The following INPP4B variants were observed in gnomAD, a reference collection of about 807,000 sequenced individuals.
INPP4B encodes inositol polyphosphate 4-phosphatase type II.
INPP4B carries 55 observed loss-of-function variants against 122.5 expected under a neutral mutation model. That is an observed-to-expected ratio of 0.45 (90% CI 0.36 to 0.56). The LOEUF is 0.56. Ranked by LOEUF, INPP4B falls within the 20% of genes least tolerant of loss-of-function variation. The probability of loss-of-function intolerance (pLI) is 0.00; values close to 1 mark genes in which losing one functional copy is unlikely to be tolerated. For missense variants in INPP4B, 1,000 were observed against 1,097.7 expected, an observed-to-expected ratio of 0.91 and a Z score of 1.26; for synonymous variants, 403 against 388.7, an observed-to-expected ratio of 1.04 and a Z score of -0.43.
chr4:142,613,008 G>T (rs2150345198), intron 2 of INPP4B, among the ~76,000 whole-genome samples: 1 of 152,220 alleles, frequency 6.6e-6, no homozygotes, highest in African/African-American at 2.4e-5. Flanking sequence ...TTCCTCAAAG[G>T]GAAGCATGGC....
At chr4:142,119,869 T>C (rs936706919) in intron 21 of INPP4B, among the ~76,000 whole-genome samples, 1 of 149,196 alleles carries the variant, frequency 6.7e-6, no homozygotes, top group African/African-American at 2.5e-5. Flanking sequence ...GTTCTATATA[T>C]ATATACATAT....
At chr4:142,146,117 C>T (rs1810575555) in intron 17 of INPP4B, 121 bp from the exon 18 acceptor site, 2 of 1,047,642 alleles carry the variant, frequency 1.9e-6, no homozygotes, top group South Asian at 1.8e-5. Flanking sequence ...GATTGAGTAG[C>T]TCTAAATTCC....
intron 7 of INPP4B, among the ~76,000 whole-genome samples, chr4:142,323,838 G>A (rs1327553113): frequency 1.3e-5 from 2 of 151,886 alleles, no homozygotes; most frequent in African/African-American, 2.4e-5. Context: ...GAGGCAAATG[G>A]CAGGTAAGGT....
chr4:142,115,620 T>C (rs1792822192), intron 21 of INPP4B, among the ~76,000 whole-genome samples: 1 of 152,140 alleles, frequency 6.6e-6, no homozygotes, highest in South Asian at 2.1e-4. Context: ...CTGAGAGATT[T>C]TGTCACCACC....
chr4:142,758,326 C>G (rs1238488961), intron 1 of INPP4B, among the ~76,000 whole-genome samples: 1 of 151,974 alleles, frequency 6.6e-6, no homozygotes, highest in East Asian at 1.9e-4. Context: ...TTTGTTATCT[C>G]TGAAATAAAA....
intron 2 of INPP4B, among the ~76,000 whole-genome samples, chr4:142,677,955 G>T (rs914110465): frequency 6.6e-6 from 1 of 151,686 alleles, no homozygotes; most frequent in Non-Finnish European, 1.5e-5. Context: ...AAACCTGCAC[G>T]TTCTGCACAT....
chr4:142,541,912 C>T (rs1450352472), intron 2 of INPP4B, among the ~76,000 whole-genome samples: 2 of 152,088 alleles, frequency 1.3e-5, no homozygotes, highest in African/African-American at 4.8e-5. Context: ...ATCACGATGG[C>T]CACCACTACC....
rs1385819980 is a variant in INPP4B at position 142,702,548 on chromosome 4, A to C, written c.-191+23291T>G. Among the ~76,000 whole-genome samples, 4 of 152,168 alleles carry C rather than the reference A, an allele frequency of 2.6e-5. No individual in the cohort carries two copies. The East Asian group carries it at 7.7e-4, about 29-fold the overall frequency. On this transcript the variant is annotated intron_variant, in intron 2 of 25. Coordinates refer to ENST00000262992, the MANE Select transcript of INPP4B (RefSeq NM_001101669.3). ...GAGACCAGCTTGACCAACAATGGAGAAACCCCATCTCTACTAAAATTGAAA... is the reference window on the plus strand; with the variant it reads ...GAGACCAGCTTGACCAACAATGGAGCAACCCCATCTCTACTAAAATTGAAA...
chr4:142,134,670 G>C (rs933369069), intron 18 of INPP4B, among the ~76,000 whole-genome samples: 2 of 151,892 alleles, frequency 1.3e-5, no homozygotes, highest in Non-Finnish European at 1.5e-5. Context: ...AGTGGCGCAT[G>C]CCTGTAATCC....
chr4:142,489,426 C>T (rs1031679886), intron 2 of INPP4B, among the ~76,000 whole-genome samples: 3 of 152,098 alleles, frequency 2.0e-5, no homozygotes, highest in Non-Finnish European at 4.4e-5. Context: ...TGGAGTCTCC[C>T]TCTGTCACCC....
At chr4:142,734,635 A>G (rs1766562101) in intron 1 of INPP4B, among the ~76,000 whole-genome samples, 1 of 150,224 alleles carries the variant, frequency 6.7e-6, no homozygotes, top group South Asian at 2.1e-4. Flanking sequence ...GGGCACTATT[A>G]GATTTTGTTT....
chr4:142,737,150 C>A (rs1219719390), intron 1 of INPP4B, among the ~76,000 whole-genome samples: 1 of 152,124 alleles, frequency 6.6e-6, no homozygotes, highest in African/African-American at 2.4e-5. Context: ...GCCTGCATTG[C>A]CAAGTCAATC....
chr4:142,700,868 C>T (rs932176246), intron 2 of INPP4B, among the ~76,000 whole-genome samples: 22 of 151,922 alleles, frequency 1.4e-4, no homozygotes, highest in African/African-American at 5.1e-4. Context: ...AATATTATAC[C>T]TAAAATATTA....
intron 12 of INPP4B, among the ~76,000 whole-genome samples, chr4:142,225,436 C>T (rs902248474): frequency 1.3e-5 from 2 of 151,582 alleles, no homozygotes; most frequent in African/African-American, 2.4e-5. Flanking sequence ...TCATGTGAGT[C>T]GATTCTCCTT....
At chr4:142,161,036 C>T (rs1372242149) in intron 16 of INPP4B, among the ~76,000 whole-genome samples, 1 of 151,936 alleles carries the variant, frequency 6.6e-6, no homozygotes, top group East Asian at 1.9e-4. Context: ...AGACATACAT[C>T]CTTAAAGGAG....
intron 10 of INPP4B, among the ~76,000 whole-genome samples, chr4:142,262,118 T>G (rs527946089): frequency 5.3e-5 from 8 of 152,344 alleles, no homozygotes; most frequent in African/African-American, 1.9e-4. Flanking sequence ...TTACCTCTAA[T>G]TCTTTTAGCA....
chr4:142,407,894 CA>C (rs552853236), intron 5 of INPP4B, among the ~76,000 whole-genome samples: 12 of 150,282 alleles, frequency 8.0e-5, no homozygotes, highest in African/African-American at 2.2e-4. Flanking sequence ...CTTTTCTATG[CA>C]AAAAAAAAGT....
intron 2 of INPP4B, among the ~76,000 whole-genome samples, chr4:142,594,782 C>A (rs185981522): frequency 6.6e-6 from 1 of 151,868 alleles, no homozygotes; most frequent in Non-Finnish European, 1.5e-5. Context: ...GGTGAAACCC[C>A]ATCTCTACCA....
intron 1 of INPP4B, among the ~76,000 whole-genome samples, chr4:142,831,787 A>G (rs1561119712): frequency 6.6e-6 from 1 of 152,234 alleles, no homozygotes; most frequent in East Asian, 1.9e-4. Context: ...CTCCATTAAG[A>G]GATAGAAGAT....
Sources: gnomAD v4.1 joint callset for allele counts (sites outside exome capture counted in the v4.1 genomes callset) on GRCh38, gnomAD v4.1.1 for gene constraint, MANE v1.5 for transcripts, NCBI Gene and HGNC (gene_info 2026-07-23, HGNC 2026-07-21) for gene names.